Variants in STEAP4 observed in about 807,000 individuals in gnomAD.
The protein encoded by STEAP4 is metalloreductase STEAP4.
In STEAP4, 36 loss-of-function variants were observed where a neutral mutation model predicts 43.6. That is an observed-to-expected ratio of 0.83 (90% CI 0.63 to 1.09). STEAP4 has a LOEUF of 1.09. Ranked by LOEUF, STEAP4 falls within the 50% of genes least tolerant of loss-of-function variation. The pLI is 0.00. For synonymous variants in STEAP4, 191 were observed against 196.7 expected, an observed-to-expected ratio of 0.97 and a Z score of 0.24; for missense variants, 495 against 546.5, an observed-to-expected ratio of 0.91 and a Z score of 0.94.
intron 1 of STEAP4, among the ~76,000 whole-genome samples, chr7:88,299,988 C>G (rs1245321168): frequency 6.6e-6 from 1 of 152,142 alleles, no homozygotes; most frequent in Admixed American, 6.5e-5. Flanking sequence ...CAAGGACTCC[C>G]CATGGCCCCA....
rs1852504683 is a variant in STEAP4 at position 88,275,720 on chromosome 7, A to T, written c.*3678T>A. On this transcript the variant is annotated 3_prime_UTR_variant, in exon 5 of 5. Transcript: ENST00000380079. ...TGTGTGCAGTACCATGACTGCCATT[A>T]CACCTTAATTTTGGAACAGAGTTCC... is the stretch of plus-strand genomic sequence containing the variant. 6.6e-6 allele frequency: 1 copy of T among 151,978 alleles called. No individual in the cohort carries two copies. The highest frequency in any genetic ancestry group is 1.5e-5 in the Non-Finnish European group (1 of 67,996). 9.4% of individuals were successfully genotyped at this position (151,978 alleles called of 1,614,324 possible).
chr7:88,306,532 T>C (rs1387042963), intron 1 of STEAP4, among the ~76,000 whole-genome samples: 1 of 152,214 alleles, frequency 6.6e-6, no homozygotes, highest in East Asian at 1.9e-4. Context: ...GAGAAGAATC[T>C]AACCCCTTAA....
chr7:88,290,850 T>C (rs1304775628), intron 1 of STEAP4: 1 of 147,682 alleles, frequency 6.8e-6, no homozygotes, highest in East Asian at 1.9e-4. Flanking sequence ...TCTTCTGCAG[T>C]GTTCTTTCTT....
At chr7:88,306,586 C>A (rs575228857) in intron 1 of STEAP4, among the ~76,000 whole-genome samples, 1 of 152,228 alleles carries the variant, frequency 6.6e-6, no homozygotes, top group Non-Finnish European at 1.5e-5. Context: ...TAGGGATGAG[C>A]CTTAAACTCC....
chr7:88,286,020 A>G (rs544559613), intron 1 of STEAP4, among the ~76,000 whole-genome samples: 1 of 152,200 alleles, frequency 6.6e-6, no homozygotes, highest in Admixed American at 6.5e-5. Context: ...TTTTTCCTTT[A>G]TTTTAATGTC....
Position 88,273,092 on chromosome 7 carries a change from T to C in STEAP4, c.*6306A>G, listed in dbSNP as rs1382504898. 6.6e-6 allele frequency: 1 copy of C among 152,252 alleles called. No homozygotes were observed. Among genetic ancestry groups the C allele is most frequent in the African/African-American group, 2.4e-5 (1 of 41,470 alleles). The allele number at this position is 152,252 out of a possible 1,614,324, so 9.4% of individuals were successfully genotyped here. On this transcript the variant is annotated 3_prime_UTR_variant, in exon 5 of 5. Transcript: ENST00000380079. ...ATCAGTGTAATTAGCATATCCATCA[T>C]TGCAAACATTTATCATTTCTTTGTG...
At position 88,277,457 on chromosome 7, in the gene STEAP4, G is replaced by T. The variant is rs555114763; in HGVS notation, c.*1941C>A. ...GGCTTGGCAACATTATCAGTGCAAAGATATTATCTGAAATGTTATTTATTT... is the reference window on the plus strand; with the variant it reads ...GGCTTGGCAACATTATCAGTGCAAATATATTATCTGAAATGTTATTTATTT... On this transcript the variant is annotated 3_prime_UTR_variant, in exon 5 of 5. Transcript: ENST00000380079. The T allele has an allele frequency of 6.6e-6, 1 of 152,154 alleles. No homozygotes were observed. The highest frequency in any genetic ancestry group is 1.5e-5 in the Non-Finnish European group (1 of 68,040). 9.4% of individuals were successfully genotyped at this position (152,154 alleles called of 1,614,324 possible).
intron 1 of STEAP4, among the ~76,000 whole-genome samples, chr7:88,303,037 T>C (rs1305775454): frequency 2.6e-5 from 4 of 151,296 alleles, no homozygotes; most frequent in Non-Finnish European, 5.9e-5. Context: ...AGAGCTGTGC[T>C]ATATAGTTTT....
At chr7:88,298,269 T>C (rs1019689355) in intron 1 of STEAP4, 2 of 152,016 alleles carry the variant, frequency 1.3e-5, no homozygotes, top group African/African-American at 4.8e-5. Context: ...CTTTTATATA[T>C]TTGTAGCTCT....
Position 88,286,919 on chromosome 7 carries a change from C to T in STEAP4, c.-2-2648G>A, listed in dbSNP as rs149871687. On this transcript the variant is annotated intron_variant, in intron 1 of 4. Coordinates refer to ENST00000380079, the MANE Select transcript of STEAP4 (RefSeq NM_024636.4). Reference sequence around the variant, plus strand: ...CCTTAGTCTCCATCCAATTAGACAACCCCTAATGGGGCTACAGACAGACAC... The same window carrying T: ...CCTTAGTCTCCATCCAATTAGACAATCCCTAATGGGGCTACAGACAGACAC... 1.6e-3 allele frequency among the ~76,000 whole-genome samples: 242 copies of T among 152,242 alleles called. 4 individuals are homozygous for T. In the East Asian group the frequency reaches 0.035, roughly 22 times the overall value.
At chr7:88,287,038 T>A (rs1852749005) in intron 1 of STEAP4, among the ~76,000 whole-genome samples, 1 of 152,038 alleles carries the variant, frequency 6.6e-6, no homozygotes, top group East Asian at 1.9e-4. Flanking sequence ...GGGAGGTTAC[T>A]AAGAGACAGC....
intron 1 of STEAP4, among the ~76,000 whole-genome samples, chr7:88,295,249 T>A (rs1852905986): frequency 6.6e-6 from 1 of 152,198 alleles, no homozygotes; most frequent in African/African-American, 2.4e-5. Context: ...GACAGACAGA[T>A]GTTTTCCTAG....
In STEAP4 at chr7:88,271,866, A is replaced by G. The variant is rs1852441930; in HGVS notation, c.*7532T>C. The G allele has an allele frequency of 1.3e-5, 2 of 152,186 alleles. No homozygotes were observed. Among genetic ancestry groups the G allele is most frequent in the South Asian group, 2.1e-4 (1 of 4,832 alleles). The allele number at this position is 152,186 out of a possible 1,614,324, so 9.4% of individuals were successfully genotyped here. ...CAAACATTTGGATTTTTGCCCATCT[A>G]CTAGGTGAGAAATGGTATTGATACA... On this transcript the variant is annotated 3_prime_UTR_variant, in exon 5 of 5. Coordinates refer to ENST00000380079, the MANE Select transcript of STEAP4 (RefSeq NM_024636.4).
chr7:88,303,975 A>G (rs1385988914), intron 1 of STEAP4: 1 of 152,280 alleles, frequency 6.6e-6, no homozygotes, highest in East Asian at 1.9e-4. Flanking sequence ...AACACAGTAT[A>G]TAGAACTGTT....
intron 1 of STEAP4, chr7:88,304,274 A>G (rs1034150379): frequency 6.6e-6 from 1 of 152,170 alleles, no homozygotes; most frequent in Non-Finnish European, 1.5e-5. Context: ...AGCATGGCAC[A>G]TGTATACATA....
chr7:88,279,572 A>T lies in STEAP4; in HGVS notation c.1206T>A (p.Gly402=), dbSNP rs1206316183. 1.9e-6 allele frequency: 3 copies of T among 1,613,934 alleles called. No homozygotes were observed. Among genetic ancestry groups the T allele is most frequent in the Non-Finnish European group, 2.5e-6 (3 of 1,179,912 alleles). The change falls in exon 5 of 5, where the codon GGT becomes GGA. Residue 402 remains glycine (G), a synonymous_variant. Coordinates refer to ENST00000380079, the MANE Select transcript of STEAP4 (RefSeq NM_024636.4). ...ILCTAHTLVY[G]GKRFLSPSNL... ...TTGAAGGGCTGAGGAATCTCTTCCC[A>T]CCGTACACCAGGGTGTGGGCTGTAC...
chr7:88,291,188 C>T (rs530426172), intron 1 of STEAP4, among the ~76,000 whole-genome samples: 8 of 151,960 alleles, frequency 5.3e-5, no homozygotes, highest in East Asian at 1.9e-4. Context: ...TAGAGTGCAA[C>T]GATTCTTAAG....
chr7:88,295,076 T>C (rs1478369910), intron 1 of STEAP4, among the ~76,000 whole-genome samples: 2 of 152,150 alleles, frequency 1.3e-5, no homozygotes, highest in Non-Finnish European at 2.9e-5. Flanking sequence ...AAAACAAGTG[T>C]AAAGACAACA....
intron 1 of STEAP4, among the ~76,000 whole-genome samples, chr7:88,289,057 T>TGCGC: frequency 6.7e-6 from 1 of 148,428 alleles, no homozygotes; most frequent in East Asian, 1.9e-4. Context: ...GGTGCATGCA[T>TGCGC]GCGCGTGTGT....
Sources: gnomAD v4.1 joint callset for allele counts (sites outside exome capture counted in the v4.1 genomes callset) on GRCh38, gnomAD v4.1.1 for gene constraint, MANE v1.5 for transcripts, NCBI Gene and HGNC (gene_info 2026-07-23, HGNC 2026-07-21) for gene names.